Variants in GREM2 observed in about 807,000 individuals in gnomAD.
GREM2 encodes the protein gremlin 2, DAN family BMP antagonist.
A neutral mutation model predicts 14.2 loss-of-function variants in GREM2; 11 were observed. The ratio of observed to expected loss-of-function variants is 0.78; its 90% CI spans 0.49 to 1.28. The LOEUF (loss-of-function observed/expected upper bound fraction) is 1.28, where lower values mean the gene tolerates loss of function less well. Ranked by LOEUF, GREM2 falls within the 50% of genes most tolerant of loss-of-function variation. GREM2 has a pLI of 0.00. For synonymous variants in GREM2, 98 were observed against 97.6 expected (o/e 1.00, Z -0.02); for missense variants, 210 against 218.5 (o/e 0.96, Z 0.24).
chr1:240,520,981 A>G (rs1678071678), intron 1 of GREM2, among the ~76,000 whole-genome samples: 4 of 152,064 alleles, frequency 2.6e-5, no homozygotes, highest in Non-Finnish European at 5.9e-5. Context: ...AGAACCAACA[A>G]TCTGGTTCAG....
intron 1 of GREM2, chr1:240,530,706 C>T (rs898817987): frequency 6.6e-6 from 1 of 152,160 alleles, no homozygotes; most frequent in Non-Finnish European, 1.5e-5. Context: ...TAAGGCGATG[C>T]AATGATAAAC....
intron 1 of GREM2, among the ~76,000 whole-genome samples, chr1:240,523,638 CTTTAG>C (rs1209282942): frequency 6.6e-6 from 1 of 151,858 alleles, no homozygotes; most frequent in Non-Finnish European, 1.5e-5. Flanking sequence ...ATTGATGATC[CTTTAG>C]TTTTTTTGTT....
In GREM2 at chr1:240,509,249, C is replaced by T. The variant is rs904071849; in HGVS notation, c.-1-15773G>A. ...GTCATGTTGAGAGAGGCCCCTGCAC[C>T]GGGCCCAGTGGACAGGGTGTGAACC... On this transcript the variant is annotated intron_variant, in intron 1 of 1. Coordinates refer to ENST00000318160, the MANE Select transcript of GREM2 (RefSeq NM_022469.4). Among the ~76,000 whole-genome samples, 7 of 152,148 alleles carry T rather than the reference C, an allele frequency of 4.6e-5. No homozygotes were observed. The South Asian group carries it at 6.2e-4, about 14-fold the overall frequency.
intron 1 of GREM2, among the ~76,000 whole-genome samples, chr1:240,603,294 G>A (rs548746463): frequency 1.8e-4 from 28 of 152,126 alleles, no homozygotes; most frequent in African/African-American, 6.0e-4. Context: ...AGTGGCATGA[G>A]GTATACACTC....
At chr1:240,609,693 G>A (rs1162864860) in intron 1 of GREM2, among the ~76,000 whole-genome samples, 1 of 152,120 alleles carries the variant, frequency 6.6e-6, no homozygotes, top group African/African-American at 2.4e-5. Context: ...CAACACTGAA[G>A]TACAAAAGTG....
intron 1 of GREM2, among the ~76,000 whole-genome samples, chr1:240,517,999 C>T (rs1677988462): frequency 1.3e-5 from 2 of 152,268 alleles, no homozygotes; most frequent in African/African-American, 4.8e-5. Flanking sequence ...TAGGAGTCCT[C>T]CTACATAGAC....
chr1:240,510,005 T>C (rs989435491), intron 1 of GREM2, among the ~76,000 whole-genome samples: 3 of 152,166 alleles, frequency 2.0e-5, no homozygotes, highest in Non-Finnish European at 4.4e-5. Flanking sequence ...CTGAGACCAA[T>C]GAGCAGAGAG....
intron 1 of GREM2, among the ~76,000 whole-genome samples, chr1:240,592,327 C>T (rs962307073): frequency 1.6e-4 from 24 of 152,058 alleles, no homozygotes; most frequent in African/African-American, 5.5e-4. Flanking sequence ...CCAGTGGACA[C>T]AACGAGATAC....
At chr1:240,602,726 A>G (rs1294810009) in intron 1 of GREM2, among the ~76,000 whole-genome samples, 1 of 151,830 alleles carries the variant, frequency 6.6e-6, no homozygotes, top group Non-Finnish European at 1.5e-5. Flanking sequence ...TAGGCAGGAG[A>G]ATTGCTTGAA....
chr1:240,577,187 G>A (rs1308899336), intron 1 of GREM2, among the ~76,000 whole-genome samples: 1 of 152,032 alleles, frequency 6.6e-6, no homozygotes, highest in East Asian at 1.9e-4. Flanking sequence ...TGGCAGCGTC[G>A]AGATCAAAAT....
intron 1 of GREM2, among the ~76,000 whole-genome samples, chr1:240,509,151 G>A (rs1383394804): frequency 1.3e-5 from 2 of 152,138 alleles, no homozygotes; most frequent in Non-Finnish European, 2.9e-5. Context: ...GAAAGTAATT[G>A]TGACATGTGT....
intron 1 of GREM2, among the ~76,000 whole-genome samples, chr1:240,513,485 G>A (rs1308056147): frequency 6.7e-6 from 1 of 150,124 alleles, no homozygotes; most frequent in African/African-American, 2.5e-5. Context: ...TGAGGCAAGA[G>A]AATCGCTTTA....
rs1296855511 is a variant in GREM2, at chr1:240,540,620, T to C, written c.-1-47144A>G. Among the ~76,000 whole-genome samples, 2 of 151,896 alleles carry C rather than the reference T, an allele frequency of 1.3e-5. No homozygotes were observed. Among genetic ancestry groups the C allele is most frequent in the Non-Finnish European group, 2.9e-5 (2 of 67,990 alleles). ...ACTCTGTCGCCAGTTTGGAGTGCAG[T>C]GGCACGATGTAGACTTACAGCAACC... On this transcript the variant is annotated intron_variant, in intron 1 of 1. Coordinates refer to ENST00000318160, the MANE Select transcript of GREM2 (RefSeq NM_022469.4). This position sits in a 1 kb window ranked among gnomAD's most constrained non-coding sequence, Gnocchi z 4.2.
At chr1:240,610,598 G>C (rs1680113226) in intron 1 of GREM2, among the ~76,000 whole-genome samples, 1 of 152,170 alleles carries the variant, frequency 6.6e-6, no homozygotes, top group African/African-American at 2.4e-5. Flanking sequence ...ATCTTCCTTG[G>C]TCGGGCACAT....
At position 240,575,693 on chromosome 1, in the gene GREM2, G is replaced by A. The variant is rs113214782; in HGVS notation, c.-2+36191C>T. Among the ~76,000 whole-genome samples, 962 of 151,860 alleles carry A rather than the reference G, an allele frequency of 6.3e-3. 9 individuals are homozygous for A. The highest frequency in any genetic ancestry group is 0.021 in the African/African-American group (887 of 41,422). On this transcript the variant is annotated intron_variant, in intron 1 of 1. Transcript: ENST00000318160. ...GCACCACCACGCCCAGCTAATTTCT[G>A]TATTTATAGTAGAGACGGGGTTTCA... is the stretch of plus-strand genomic sequence containing the variant.
At chr1:240,568,928 G>A (rs1035384402) in intron 1 of GREM2, among the ~76,000 whole-genome samples, 1 of 152,150 alleles carries the variant, frequency 6.6e-6, no homozygotes, top group South Asian at 2.1e-4. Context: ...GCTCACACCT[G>A]TAATCCCAGC....
intron 1 of GREM2, among the ~76,000 whole-genome samples, chr1:240,587,051 C>T (rs927804495): frequency 1.3e-5 from 2 of 152,248 alleles, no homozygotes; most frequent in East Asian, 1.9e-4. Context: ...TTTATTTGAT[C>T]GATCCTGCTC....
intron 1 of GREM2, among the ~76,000 whole-genome samples, chr1:240,561,935 A>T (rs1191720451): frequency 6.6e-6 from 1 of 152,210 alleles, no homozygotes; most frequent in East Asian, 1.9e-4. Context: ...AACTACTGTC[A>T]TCTGAATCTG....
At chr1:240,501,434 G>A (rs1677566607) in intron 1 of GREM2, among the ~76,000 whole-genome samples, 1 of 152,176 alleles carries the variant, frequency 6.6e-6, no homozygotes, top group Non-Finnish European at 1.5e-5. Context: ...TTTCAACAGA[G>A]AAGAAATGAT....
Sources: allele counts gnomAD v4.1 joint callset (sites outside exome capture counted in the v4.1 genomes callset), GRCh38; gene constraint gnomAD v4.1.1; non-coding constraint Gnocchi (gnomAD v3.1); transcripts MANE v1.5; gene names NCBI Gene and HGNC (gene_info 2026-07-23, HGNC 2026-07-21).